The following PLEKHA4 variants were observed in gnomAD, a reference collection of about 807,000 sequenced individuals.
The protein encoded by PLEKHA4 is pleckstrin homology domain-containing family A member 4.
A neutral mutation model predicts 94.7 loss-of-function variants in PLEKHA4; 73 were observed. The ratio of observed to expected loss-of-function variants is 0.77; its 90% CI spans 0.64 to 0.94. The LOEUF (loss-of-function observed/expected upper bound fraction) is 0.94, where lower values mean the gene tolerates loss of function less well. Ranked by LOEUF, PLEKHA4 falls within the 40% of genes least tolerant of loss-of-function variation. The pLI is 0.00. For missense variants in PLEKHA4, 1,049 were observed against 1,054.1 expected (o/e 1.00, Z 0.07); for synonymous variants, 449 against 437.1 (o/e 1.03, Z -0.34).
In PLEKHA4 at chr19:48,845,396, G is replaced by A. The variant is rs2035927302; in HGVS notation, c.1717C>T (p.Leu573Phe). ...SRASSPEGRH[L>F]PSPQLGTKAP... The stretch of plus-strand genomic sequence containing the variant: ...TTGGTTCCTAGCTGTGGGGAAGGGA[G>A]GTGGCGACCCTCAGGGCTGGAAGCC... Residue 573 changes from leucine (L) to phenylalanine (F), a missense_variant, in exon 16 of 20, where the codon CTC (leucine) becomes TTC (phenylalanine). By Grantham distance (22) the Leu-to-Phe change is conservative (BLOSUM62 0). Transcript: ENST00000263265. 1.2e-5 allele frequency: 19 copies of A among 1,613,370 alleles called. No homozygotes were observed. Among genetic ancestry groups the A allele is most frequent in the Non-Finnish European group, 1.6e-5 (19 of 1,180,014 alleles).
chr19:48,859,352 C>A, intron 7 of PLEKHA4, 117 bp downstream of exon 7: 1 of 1,131,788 alleles, frequency 8.8e-7, no homozygotes, highest in Middle Eastern at 2.8e-4. Context: ...GTGACCCCCA[C>A]GGGAGCCCCA....
intron 6 of PLEKHA4, 152 bp from the exon 7 acceptor site, chr19:48,859,836 C>A (rs1305618105): frequency 1.2e-5 from 9 of 758,372 alleles, no homozygotes; most frequent in Non-Finnish European, 1.9e-5. Context: ...GAAACTGAGG[C>A]CTCCAATGTG....
chr19:48,841,369 T>C, intron 16 of PLEKHA4, 59 bp from the exon 17 acceptor site: 2 of 1,509,208 alleles, frequency 1.3e-6, no homozygotes, highest in Non-Finnish European at 1.8e-6. Flanking sequence ...GTGGCTCGTG[T>C]AATCCCAGCA....
chr19:48,840,424 CT>C (rs113285383), intron 17 of PLEKHA4, among the ~76,000 whole-genome samples: 2,112 of 130,838 alleles, frequency 0.016, 23 homozygotes, highest in African/African-American at 0.037. Flanking sequence ...AAGAAAACAT[CT>C]TTTTTTTTTT....
chr19:48,856,898 CAAAAAA>C (rs1315657736), intron 9 of PLEKHA4, among the ~76,000 whole-genome samples: 1 of 35,650 alleles, frequency 2.8e-5, no homozygotes, highest in Non-Finnish European at 4.8e-5. Context: ...GACCCCGTCT[CAAAAAA>C]AAAAAAAAAA....
intron 18 of PLEKHA4, 168 bp from the exon 19 acceptor site, chr19:48,838,297 G>T: frequency 2.0e-6 from 1 of 496,604 alleles, no homozygotes; most frequent in South Asian, 2.9e-5. Context: ...TAAATTAAAG[G>T]GTGTAACTAG....
chr19:48,841,961 A>C (rs1478543390), intron 16 of PLEKHA4, among the ~76,000 whole-genome samples: 1 of 152,052 alleles, frequency 6.6e-6, no homozygotes, highest in Non-Finnish European at 1.5e-5. Context: ...GTAAAAAGTA[A>C]AGACAGAGAG....
In PLEKHA4 at chr19:48,841,900, C is replaced by A. The variant is rs982171284; in HGVS notation, c.1744-590G>T. On this transcript the variant is annotated intron_variant, in intron 16 of 19. Transcript: ENST00000263265. ...GTTCAAGGCTTCAGGGAGCTATGAT[C>A]GTGCCACTGCACCTCACTCTGGGTG... 2.0e-5 allele frequency among the ~76,000 whole-genome samples: 3 copies of A among 152,116 alleles called. No homozygotes were observed. In the East Asian group the frequency reaches 5.8e-4, roughly 29 times the overall value.
In PLEKHA4 at chr19:48,841,156, TC is replaced by T; in HGVS notation, c.1897del (p.Glu633SerfsTer6). On this transcript the variant is annotated frameshift_variant, in exon 17 of 20. Coordinates refer to ENST00000263265, the MANE Select transcript of PLEKHA4 (RefSeq NM_020904.3). LOFTEE classifies it high-confidence loss of function. ...CAGCCCTCCTCCCCTCACCCTTTGCTCCACGTCAGGCTGGCGTCTGGCTGGG... is the reference window on the plus strand; with the variant it reads ...CAGCCCTCCTCCCCTCACCCTTTGCTCACGTCAGGCTGGCGTCTGGCTGGG... ...LSPARRQPDV[E>X]QRPVVGHSGA... The T allele has an allele frequency of 1.9e-6, 3 of 1,609,094 alleles. No individual in the cohort carries two copies. Among genetic ancestry groups the T allele is most frequent in the Admixed American group, 1.7e-5 (1 of 59,372 alleles).
Position 48,841,180 on chromosome 19 carries a change from G to T in PLEKHA4, c.1874C>A (p.Pro625Gln). Residue 625 changes from proline (P) to glutamine (Q), a missense_variant, in exon 17 of 20, where the codon CCA (proline) becomes CAA (glutamine). Transcript: ENST00000263265. The part of the protein sequence containing the change: ...RLLTLGRTLS[P>Q]ARRQPDVEQR... ...CTCCACGTCAGGCTGGCGTCTGGCT[G>T]GGGACAGTGTCCTTCCCAGGGTGAG... The T allele has an allele frequency of 6.2e-7, 1 of 1,611,800 alleles. No homozygotes were observed. Among genetic ancestry groups the T allele is most frequent in the Non-Finnish European group, 8.5e-7 (1 of 1,179,152 alleles).
At chr19:48,860,700 G>A (rs1459271198) in intron 5 of PLEKHA4, among the ~76,000 whole-genome samples, 1 of 151,970 alleles carries the variant, frequency 6.6e-6, no homozygotes, top group African/African-American at 2.4e-5. Flanking sequence ...CCAGCTACCG[G>A]GGAGACTGAG....
Position 48,859,465 on chromosome 19 carries a change from T to G in PLEKHA4, c.692+4A>C. On this transcript the variant is annotated splice_donor_region_variant and intron_variant, in intron 7 of 19. Coordinates refer to ENST00000263265, the MANE Select transcript of PLEKHA4 (RefSeq NM_020904.3). ...ACGCCCACAACCATGTCCTCCCTAC[T>G]CACTCGGGGCTCCTCGCCCTCCGCA... 1 of 1,613,520 alleles carries G rather than the reference T, an allele frequency of 6.2e-7. No homozygotes were observed. Among genetic ancestry groups the G allele is most frequent in the Non-Finnish European group, 8.5e-7 (1 of 1,179,896 alleles).
intron 8 of PLEKHA4, among the ~76,000 whole-genome samples, chr19:48,858,385 G>C (rs2036503404): frequency 6.6e-6 from 1 of 152,096 alleles, no homozygotes; most frequent in Non-Finnish European, 1.5e-5. Flanking sequence ...ACTTTGGGAG[G>C]CTGAGATGGG....
intron 9 of PLEKHA4, 78 bp downstream of exon 9, chr19:48,857,344 C>T: frequency 3.0e-6 from 2 of 670,530 alleles, no homozygotes; most frequent in Non-Finnish European, 5.3e-6. Context: ...GCACCCTAGG[C>T]CAAGAGATGA....
chr19:48,859,242 T>A lies in PLEKHA4; in HGVS notation c.693-103A>T, dbSNP rs146488020. 592 of 1,006,396 alleles carry A rather than the reference T, an allele frequency of 5.9e-4. 3 individuals carry two copies. In the African/African-American group the frequency reaches 8.8e-3, roughly 15 times the overall value. The allele number at this position is 1,006,396 out of a possible 1,614,324, so 62.3% of individuals were successfully genotyped here. A position where few individuals can be genotyped will look rare whatever the true frequency, so the allele number is the denominator to read the frequency against. On this transcript the variant is annotated intron_variant, in intron 7 of 19. Transcript: ENST00000263265. Reference sequence around the variant, plus strand: ...CAAGGACATGTCTCACTTCACTGTGTCTTACTGTCCCACTGGGTTAGAATC... The same window carrying A: ...CAAGGACATGTCTCACTTCACTGTGACTTACTGTCCCACTGGGTTAGAATC...
chr19:48,841,105 C>T (rs1253590487), intron 17 of PLEKHA4, 44 bp downstream of exon 17: 2 of 1,570,690 alleles, frequency 1.3e-6, no homozygotes, highest in East Asian at 4.6e-5. Flanking sequence ...GCGAAGAGGA[C>T]CTACTACCAC....
chr19:48,858,997 G>T lies in PLEKHA4; in HGVS notation c.835C>A (p.Arg279=). The change falls in exon 8 of 20, where the codon CGA becomes AGA. Residue 279 remains arginine, a synonymous_variant. Coordinates refer to ENST00000263265, the MANE Select transcript of PLEKHA4 (RefSeq NM_020904.3). ...TGGGGGCCCCAATCCAGAGGAGGTC[G>T]GACATCAATGCGACTCAACGGGGTG... ...PHTPLSRIDV[R]PPLDWGPQRQ... 6.3e-7 allele frequency: 1 copy of T among 1,577,746 alleles called. No homozygotes were observed. The highest frequency in any genetic ancestry group is 8.6e-7 in the Non-Finnish European group (1 of 1,167,184).
chr19:48,857,816 C>A (rs1387036863), intron 8 of PLEKHA4, among the ~76,000 whole-genome samples: 1 of 150,920 alleles, frequency 6.6e-6, no homozygotes, highest in African/African-American at 2.4e-5. Context: ...AAACCAGAGA[C>A]CTTTGTTCAC....
At chr19:48,838,781 AG>A (rs1245786251) in intron 18 of PLEKHA4, among the ~76,000 whole-genome samples, 3 of 149,574 alleles carry the variant, frequency 2.0e-5, no homozygotes, top group East Asian at 3.9e-4. Flanking sequence ...AAAAAAAAAA[AG>A]TAAAAAATAA....
Sources: allele counts gnomAD v4.1 joint callset (sites outside exome capture counted in the v4.1 genomes callset), GRCh38; gene constraint gnomAD v4.1.1; transcripts MANE v1.5; gene names NCBI Gene and HGNC (gene_info 2026-07-23, HGNC 2026-07-21).